The following ENOX2 variants were observed in gnomAD, a reference collection of about 807,000 sequenced individuals.
The protein encoded by ENOX2 is ecto-NOX disulfide-thiol exchanger 2.
ENOX2 carries 36 observed loss-of-function variants against 45.0 expected under a neutral mutation model. The observed-to-expected ratio is 0.80, with a 90% CI of 0.61 to 1.06. ENOX2 has a LOEUF of 1.06. Ranked by LOEUF, ENOX2 falls within the 50% of genes least tolerant of loss-of-function variation. ENOX2 has a pLI of 0.00. For synonymous variants in ENOX2, 174 were observed against 152.3 expected (o/e 1.14, Z -1.05); for missense variants, 423 against 462.5 (o/e 0.91, Z 0.78).
intron 2 of ENOX2, among the ~76,000 whole-genome samples, chrX:130,788,877 G>C (rs1433969588): frequency 1.8e-5 from 2 of 112,310 alleles, no homozygotes; most frequent in Admixed American, 1.9e-4. Flanking sequence ...TGGTGTTACA[G>C]ATTTCTACTA....
Position 130,757,050 on chromosome X carries a change from C to T in ENOX2, c.-39+26497G>A, listed in dbSNP as rs73635966. The stretch of plus-strand genomic sequence containing the variant: ...GTGACTAAAGCATAAAATTTTCATA[C>T]GTCCCATAAGAATTCTCAAATCTTA... On this transcript the variant is annotated intron_variant, in intron 3 of 14. Transcript: ENST00000394363. Among the ~76,000 whole-genome samples the T allele has an allele frequency of 3.9e-3, 441 of 112,129 alleles. 3 individuals carry two copies. Among genetic ancestry groups the T allele is most frequent in the African/African-American group, 0.014 (425 of 30,860 alleles).
intron 3 of ENOX2, among the ~76,000 whole-genome samples, chrX:130,707,825 G>A (rs1286435974): frequency 1.3e-4 from 15 of 112,010 alleles, no homozygotes; most frequent in Non-Finnish European, 5.6e-5. Flanking sequence ...CATTGGTCTG[G>A]GAGTCAGATG....
chrX:130,774,327 T>C (rs1461388064), intron 3 of ENOX2, among the ~76,000 whole-genome samples: 1 of 111,859 alleles, frequency 8.9e-6, no homozygotes, highest in Non-Finnish European at 1.9e-5. Context: ...CCATTTTCAT[T>C]TTGATTTAAT....
intron 3 of ENOX2, among the ~76,000 whole-genome samples, chrX:130,716,161 A>G (rs2038325092): frequency 8.9e-6 from 1 of 111,855 alleles, no homozygotes; most frequent in South Asian, 3.7e-4. Flanking sequence ...TTACTTTTGC[A>G]CCAACCTAAT....
rs191317386 is a variant in ENOX2, at chrX:130,638,754, T to C, written c.1130-1344A>G. 1.4e-4 allele frequency among the ~76,000 whole-genome samples: 16 copies of C among 111,685 alleles called. No homozygotes were observed. In the East Asian group the frequency reaches 3.1e-3, roughly 22 times the overall value. ...GACCAAAGACCCATGAGCAGAAACT[T>C]CCATGGGACCCAGTCCTTGGGTAGG... On this transcript the variant is annotated intron_variant, in intron 10 of 14. Transcript: ENST00000394363.
chrX:130,641,229 A>C (rs2036071223), intron 10 of ENOX2, among the ~76,000 whole-genome samples: 1 of 111,981 alleles, frequency 8.9e-6, no homozygotes, highest in Non-Finnish European at 1.9e-5. Flanking sequence ...CAAGGGAAAC[A>C]AACACCTTAC....
intron 4 of ENOX2, among the ~76,000 whole-genome samples, chrX:130,696,886 G>A (rs2037776979): frequency 1.8e-5 from 2 of 111,277 alleles, no homozygotes; most frequent in African/African-American, 6.5e-5. Flanking sequence ...TTTGTCACAG[G>A]GGCAGCTCAA....
intron 2 of ENOX2, among the ~76,000 whole-genome samples, chrX:130,798,426 G>A (rs1010068069): frequency 8.9e-6 from 1 of 112,406 alleles, no homozygotes; most frequent in Non-Finnish European, 1.9e-5. Flanking sequence ...GTAACACTTA[G>A]AAGGTAAGTT....
chrX:130,819,585 G>A (rs2077557357), intron 2 of ENOX2, among the ~76,000 whole-genome samples: 1 of 111,828 alleles, frequency 8.9e-6, no homozygotes, highest in Non-Finnish European at 1.9e-5. Flanking sequence ...GGACATGGAT[G>A]AAGCTGGAAA....
intron 5 of ENOX2, among the ~76,000 whole-genome samples, chrX:130,680,443 G>T (rs2037271998): frequency 9.0e-6 from 1 of 111,233 alleles, no homozygotes; most frequent in African/African-American, 3.3e-5. Flanking sequence ...AGCTCGTCTG[G>T]GAAATCATTA....
chrX:130,776,620 G>A (rs184540975), intron 3 of ENOX2, among the ~76,000 whole-genome samples: 54 of 111,471 alleles, frequency 4.8e-4, no homozygotes, highest in Admixed American at 4.8e-4. Context: ...AAAGTCTGCC[G>A]AACCGTGAGA....
intron 10 of ENOX2, among the ~76,000 whole-genome samples, chrX:130,641,559 A>T (rs940316043): frequency 1.8e-5 from 2 of 109,532 alleles, no homozygotes; most frequent in Non-Finnish European, 3.8e-5. Flanking sequence ...TCTACTAAAA[A>T]TACAAAAATT....
chrX:130,789,945 T>C (rs1369759415), intron 2 of ENOX2, among the ~76,000 whole-genome samples: 1 of 112,535 alleles, frequency 8.9e-6, no homozygotes, highest in Non-Finnish European at 1.9e-5. Flanking sequence ...CTGCTACTTC[T>C]GAGGGAATAT....
At chrX:130,783,039 G>T (rs937123175) in intron 3 of ENOX2, among the ~76,000 whole-genome samples, 1 of 111,694 alleles carries the variant, frequency 9.0e-6, no homozygotes, top group Non-Finnish European at 1.9e-5. Context: ...GGGGAACAGG[G>T]GTAGAGGTGG....
At chrX:130,791,421 C>T (rs1024246473) in intron 2 of ENOX2, among the ~76,000 whole-genome samples, 3 of 111,425 alleles carry the variant, frequency 2.7e-5, no homozygotes, top group Non-Finnish European at 5.6e-5. Flanking sequence ...TGGGATACAG[C>T]ATGGATAGTA....
At chrX:130,655,045 T>C (rs886998608) in intron 10 of ENOX2, among the ~76,000 whole-genome samples, 2 of 112,256 alleles carry the variant, frequency 1.8e-5, no homozygotes. Flanking sequence ...CTGTAGATAC[T>C]GAGGTGTAAA....
rs982982495 is a variant in ENOX2 at position 130,783,606 on chromosome X, C to T, written c.-98G>A. The T allele has an allele frequency of 3.0e-6, 1 of 327,877 alleles. No individual in the cohort carries two copies. Among genetic ancestry groups the T allele is most frequent in the African/African-American group, 2.7e-5 (1 of 37,444 alleles). 27.0% of individuals were successfully genotyped at this position (327,877 alleles called of 1,213,427 possible). ...TGATTCCCCTCCATTCTCAATGAGG[C>T]CTTCTGTGACCAGAGGGCCACTGGC... On this transcript the variant is annotated 5_prime_UTR_variant, in exon 3 of 15. Transcript: ENST00000394363.
In ENOX2 at chrX:130,753,802, T is replaced by C. The variant is rs1235125122; in HGVS notation, c.-39+29745A>G. ...GGTTCTATATCTTAGCTATTGTGAATAGTGTTGCAATGAACATGGTGGTGC... is the reference window on the plus strand; with the variant it reads ...GGTTCTATATCTTAGCTATTGTGAACAGTGTTGCAATGAACATGGTGGTGC... On this transcript the variant is annotated intron_variant, in intron 3 of 14. Coordinates refer to ENST00000394363, the MANE Select transcript of ENOX2 (RefSeq NM_006375.4). 3.6e-5 allele frequency among the ~76,000 whole-genome samples: 4 copies of C among 111,777 alleles called. No individual in the cohort carries two copies. In the East Asian group the frequency reaches 1.1e-3, roughly 31 times the overall value.
intron 2 of ENOX2, among the ~76,000 whole-genome samples, chrX:130,857,844 C>T (rs1429693992): frequency 9.0e-6 from 1 of 111,479 alleles, no homozygotes; most frequent in Non-Finnish European, 1.9e-5. Flanking sequence ...TTCCTTTAAA[C>T]AGCAAAATGT....
Sources: gnomAD v4.1 joint callset for allele counts (sites outside exome capture counted in the v4.1 genomes callset) on GRCh38, gnomAD v4.1.1 for gene constraint, MANE v1.5 for transcripts, NCBI Gene and HGNC (gene_info 2026-07-23, HGNC 2026-07-21) for gene names.